Variants in CREBZF observed in about 807,000 individuals in gnomAD.
CREBZF encodes the protein CREB/ATF bZIP transcription factor.
Under a neutral mutation model 21.1 loss-of-function variants are expected in CREBZF, and 8 were observed. The observed-to-expected ratio is 0.38, with a 90% CI of 0.22 to 0.68. The LOEUF is 0.68. CREBZF is among the 30% of genes least tolerant of loss of function. The pLI, the probability that CREBZF is intolerant of heterozygous loss-of-function variation, is 0.51. For synonymous variants in CREBZF, 270 were observed against 223.3 expected (o/e 1.21, Z -1.86); for missense variants, 518 against 484.3 (o/e 1.07, Z -0.65).
At chr11:85,672,595 T>C (rs948749521) in intron 1 of CREBZF, among the ~76,000 whole-genome samples, 1 of 152,208 alleles carries the variant, frequency 6.6e-6, no homozygotes, top group South Asian at 2.1e-4. Context: ...AAGACTTGAA[T>C]TGTGCTAAAG....
chr11:85,664,284 T>C lies in CREBZF; in HGVS notation c.592A>G (p.Ser198Gly). ...KSPGGGGGGG[S>G]GNDNNQAATK... ...GCCGCCTGGTTGTTGTCGTTACCGC[T>C]GCCGCCACCGCCGCCTCCTCCTGGG... Residue 198 changes from serine (S) to glycine (G), a missense_variant, in exon 1 of 1, where the codon AGC becomes GGC. This residue lies in a region of CREBZF where 396 missense variants were observed against 324.4 expected (regional missense o/e 1.22). Transcript: ENST00000527447. This position sits in a 1 kb window ranked among gnomAD's most constrained non-coding sequence, Gnocchi z 5.5. The C allele has an allele frequency of 6.2e-7, 1 of 1,612,484 alleles. No homozygotes were observed. Among genetic ancestry groups the C allele is most frequent in the Non-Finnish European group, 8.5e-7 (1 of 1,179,678 alleles).
In CREBZF at chr11:85,659,909, A is replaced by G. The variant is rs2082626872; in HGVS notation, c.*3902T>C. The G allele has an allele frequency of 6.6e-6, 1 of 152,070 alleles. No individual in the cohort carries two copies. Among genetic ancestry groups the G allele is most frequent in the Non-Finnish European group, 1.5e-5 (1 of 67,920 alleles). 9.4% of individuals were successfully genotyped at this position (152,070 alleles called of 1,614,324 possible). ...TTCAGAAAACAGTATCAAGTACTCA[A>G]GAGAAAGCTCAAGAAGCCAAAACCT... On this transcript the variant is annotated 3_prime_UTR_variant, in exon 1 of 1. Coordinates refer to ENST00000527447, the MANE Select transcript of CREBZF (RefSeq NM_001039618.4).
Position 85,664,743 on chromosome 11 carries a change from T to TCTC in CREBZF, c.130_132dup (p.Glu44dup), listed in dbSNP as rs367656416. 1.1e-5 allele frequency: 17 copies of TCTC among 1,607,946 alleles called. No individual in the cohort carries two copies. Among genetic ancestry groups the TCTC allele is most frequent in the Non-Finnish European group, 1.4e-5 (17 of 1,178,362 alleles). ...CGGCCGGGAGATCCGGCCGCCGCCG[T>TCTC]CTCCTCCTCCCCCGCTGCAGCCCGG... On this transcript the variant is annotated inframe_insertion, in exon 1 of 1. Transcript: ENST00000527447. This position sits in a 1 kb window ranked among gnomAD's most constrained non-coding sequence, Gnocchi z 5.5.
At chr11:85,675,240 C>T (rs1015901374) in intron 1 of CREBZF, among the ~76,000 whole-genome samples, 2 of 152,188 alleles carry the variant, frequency 1.3e-5, no homozygotes, top group African/African-American at 4.8e-5. Flanking sequence ...AAGCTTTCAG[C>T]CTGTCTCTGC....
At chr11:85,676,880 G>C (rs1313090868) in intron 1 of CREBZF, among the ~76,000 whole-genome samples, 1 of 147,410 alleles carries the variant, frequency 6.8e-6, no homozygotes, top group East Asian at 2.0e-4. Flanking sequence ...CTGGGTTCAA[G>C]CAATCCGCTT....
rs1038654587 is a variant in CREBZF, at chr11:85,663,063, T to C, written c.*748A>G. 1.2e-5 allele frequency: 2 copies of C among 167,000 alleles called. No homozygotes were observed. The highest frequency in any genetic ancestry group is 3.0e-4 in the South Asian group (2 of 6,768). 10.3% of individuals were successfully genotyped at this position (167,000 alleles called of 1,614,324 possible). On this transcript the variant is annotated 3_prime_UTR_variant, in exon 1 of 1. Coordinates refer to ENST00000527447, the MANE Select transcript of CREBZF (RefSeq NM_001039618.4). ...GAGATACCTGTCACCTCCAGCAAAA[T>C]AACTATCACATTTGTGCATGCCCCA...
In CREBZF at chr11:85,661,964, ATATATATATATATATG is replaced by A. The variant is rs2082695423; in HGVS notation, c.*1831_*1846del. ...ATCTTTCCAACTACTTTTGGTTTAT[ATATATATATATATATG>A]TATATATATATATAATTCAGTAGGC... On this transcript the variant is annotated 3_prime_UTR_variant, in exon 1 of 1. Transcript: ENST00000527447. The A allele has an allele frequency of 6.7e-6, 1 of 148,546 alleles. No homozygotes were observed. Among genetic ancestry groups the A allele is most frequent in the African/African-American group, 2.4e-5 (1 of 40,854 alleles). 9.2% of individuals were successfully genotyped at this position (148,546 alleles called of 1,614,324 possible).
chr11:85,669,034 A>G (rs1001842663), upstream of CREBZF, among the ~76,000 whole-genome samples: 6 of 132,680 alleles, frequency 4.5e-5, no homozygotes, highest in African/African-American at 1.4e-4. Context: ...AAAAAAAAAA[A>G]AAAAAAAGAA....
rs996128072 is a variant in CREBZF, at chr11:85,664,906, G to A, written c.-31C>T. 2 of 1,422,532 alleles carry A rather than the reference G, an allele frequency of 1.4e-6. No individual in the cohort carries two copies. Among genetic ancestry groups the A allele is most frequent in the African/African-American group, 1.5e-5 (1 of 67,586 alleles). The allele number at this position is 1,422,532 out of a possible 1,614,324, so 88.1% of individuals were successfully genotyped here. A position where few individuals can be genotyped will look rare whatever the true frequency, so the allele number is the denominator to read the frequency against. On this transcript the variant is annotated 5_prime_UTR_variant, in exon 1 of 1. Transcript: ENST00000527447. The surrounding 1 kb of genome is among the most constrained non-coding windows in gnomAD (Gnocchi z 5.5). ...CCAGCGGCGGGCCGCGGTAGGCCCCGGCCGCTAAGAGTGGGCCTCACGGGC... is the reference window on the plus strand; with the variant it reads ...CCAGCGGCGGGCCGCGGTAGGCCCCAGCCGCTAAGAGTGGGCCTCACGGGC...
Position 85,663,941 on chromosome 11 carries a change from T to C in CREBZF, c.935A>G (p.Lys312Arg), listed in dbSNP as rs754913786. Residue 312 changes from lysine to arginine, a missense_variant, in exon 1 of 1, where the codon AAG becomes AGG. By Grantham distance (26) the Lys-to-Arg change is conservative (BLOSUM62 2). This residue lies in a region of CREBZF where 114 missense variants were observed against 134.1 expected (regional missense o/e 0.85). Transcript: ENST00000527447. ...CTCTTCCAGCAGGTCCTGCTTCTGC[T>C]TTCCCACCGGCAGAGCGTAGTCGTG... ...GDHDYALPVG[K>R]QKQDLLEEDD... The C allele has an allele frequency of 3.1e-6, 5 of 1,613,894 alleles. No individual in the cohort carries two copies. The highest frequency in any genetic ancestry group is 3.4e-6 in the Non-Finnish European group (4 of 1,180,012).
upstream of CREBZF, among the ~76,000 whole-genome samples, chr11:85,665,326 C>T (rs1012938519): frequency 6.6e-6 from 1 of 152,166 alleles, no homozygotes; most frequent in African/African-American, 2.4e-5. Context: ...AACAGTTCAA[C>T]ACAACATTTT....
chr11:85,678,756 T>G (rs1197540565), intron 1 of CREBZF, among the ~76,000 whole-genome samples: 1 of 152,248 alleles, frequency 6.6e-6, no homozygotes, highest in Non-Finnish European at 1.5e-5. Context: ...TACTGAAGAT[T>G]TTAGCTTTCT....
chr11:85,667,652 T>C (rs2082881987), upstream of CREBZF, among the ~76,000 whole-genome samples: 1 of 152,170 alleles, frequency 6.6e-6, no homozygotes, highest in African/African-American at 2.4e-5. Context: ...CAGGCTGTAA[T>C]TTTTAAATAG....
chr11:85,661,063 C>A lies in CREBZF; in HGVS notation c.*2748G>T, dbSNP rs1191993152. The A allele has an allele frequency of 6.5e-6, 1 of 153,498 alleles. No homozygotes were observed. The highest frequency in any genetic ancestry group is 2.4e-5 in the African/African-American group (1 of 41,440). The allele number at this position is 153,498 out of a possible 1,614,324, so 9.5% of individuals were successfully genotyped here. A position where few individuals can be genotyped will look rare whatever the true frequency, so the allele number is the denominator to read the frequency against. Reference sequence around the variant, plus strand: ...CAATTTTCTAAAAATAGTAAGACAACAGTTTCACATTAATCATAACTTTTT... The same window carrying A: ...CAATTTTCTAAAAATAGTAAGACAAAAGTTTCACATTAATCATAACTTTTT... On this transcript the variant is annotated 3_prime_UTR_variant, in exon 1 of 1. Coordinates refer to ENST00000527447, the MANE Select transcript of CREBZF (RefSeq NM_001039618.4).
chr11:85,660,051 C>CTAT lies in CREBZF; in HGVS notation c.*3759_*3760insATA, dbSNP rs1429585135. 2.6e-5 allele frequency: 4 copies of CTAT among 152,254 alleles called. No individual in the cohort carries two copies. Among genetic ancestry groups the CTAT allele is most frequent in the African/African-American group, 7.2e-5 (3 of 41,558 alleles). 9.4% of individuals were successfully genotyped at this position (152,254 alleles called of 1,614,324 possible). ...AATGCATCTATTTAAAAGGACTACTCTTTATAGTTCAGAACTTTACATTAA... is the reference window on the plus strand; with the variant it reads ...AATGCATCTATTTAAAAGGACTACTCTATTTTATAGTTCAGAACTTTACATTAA... On this transcript the variant is annotated 3_prime_UTR_variant, in exon 1 of 1. Transcript: ENST00000527447.
In CREBZF at chr11:85,664,966, C is replaced by T. The variant is rs2082827228; in HGVS notation, c.-91G>A. ...CCCAGGCCCCAGGGCGGGTAGCCCCCGGCACTGGCCGAAACGAAATGCAGG... is the reference window on the plus strand; with the variant it reads ...CCCAGGCCCCAGGGCGGGTAGCCCCTGGCACTGGCCGAAACGAAATGCAGG... On this transcript the variant is annotated 5_prime_UTR_variant, in exon 1 of 1. Coordinates refer to ENST00000527447, the MANE Select transcript of CREBZF (RefSeq NM_001039618.4). This position sits in a 1 kb window ranked among gnomAD's most constrained non-coding sequence, Gnocchi z 5.5. The T allele has an allele frequency of 1.1e-6, 1 of 881,402 alleles. No individual in the cohort carries two copies. The highest frequency in any genetic ancestry group is 2.9e-5 in the South Asian group (1 of 34,716). The allele number at this position is 881,402 out of a possible 1,614,324, so 54.6% of individuals were successfully genotyped here.
upstream of CREBZF, among the ~76,000 whole-genome samples, chr11:85,669,247 G>C (rs1250542568): frequency 6.6e-6 from 1 of 151,776 alleles, no homozygotes; most frequent in African/African-American, 2.4e-5. Context: ...CTGTACATTG[G>C]GTTTTTTATA....
rs986388645 is a variant in CREBZF, at chr11:85,658,538, T to C, written c.*5273A>G. Among the ~76,000 whole-genome samples the C allele has an allele frequency of 2.0e-5, 3 of 152,084 alleles. No homozygotes were observed. On this transcript the variant is annotated 3_prime_UTR_variant, in exon 1 of 1. Transcript: ENST00000527447. ...TTATTTAAGGACATTTAGTCATTTG[T>C]AGCTAACACCTGAAGTAAACTACCC...
chr11:85,661,123 A>ATT lies in CREBZF; in HGVS notation c.*2686_*2687dup, dbSNP rs1403184122. The ATT allele has an allele frequency of 6.5e-6, 1 of 153,166 alleles. No individual in the cohort carries two copies. Among genetic ancestry groups the ATT allele is most frequent in the African/African-American group, 2.4e-5 (1 of 41,452 alleles). The allele number at this position is 153,166 out of a possible 1,614,324, so 9.5% of individuals were successfully genotyped here. The stretch of plus-strand genomic sequence containing the variant: ...AGTAGTGAATCGGACACTTTAAGAT[A>ATT]TTGTTTACTACATACTGAAATAAAC... On this transcript the variant is annotated 3_prime_UTR_variant, in exon 1 of 1. Coordinates refer to ENST00000527447, the MANE Select transcript of CREBZF (RefSeq NM_001039618.4).
Sources: gnomAD v4.1 joint callset for allele counts (sites outside exome capture counted in the v4.1 genomes callset) on GRCh38, gnomAD v4.1.1 for gene constraint, gnomAD v4.1.1 regional missense constraint, Gnocchi (gnomAD v3.1) non-coding constraint, MANE v1.5 for transcripts, NCBI Gene and HGNC (gene_info 2026-07-23, HGNC 2026-07-21) for gene names.